Variants in RTEL1 observed in about 807,000 individuals in gnomAD.
The protein encoded by RTEL1 is regulator of telomere elongation helicase 1, also known as regulator of telomere length.
In RTEL1, 86 loss-of-function variants were observed where a neutral mutation model predicts 162.2. That is an observed-to-expected ratio of 0.53 (90% CI 0.45 to 0.63). RTEL1 has a LOEUF of 0.63. Among genes scored for constraint, RTEL1 ranks in the 30% least tolerant of loss-of-function variants. The probability of loss-of-function intolerance (pLI) is 0.00; values close to 1 mark genes in which losing one functional copy is unlikely to be tolerated. For synonymous variants in RTEL1, 958 were observed against 717.9 expected (o/e 1.33, Z -5.35); for missense variants, 1,941 against 1,750.2 (o/e 1.11, Z -1.95).
chr20:63,693,597 TCCA>T (rs1568721114), intron 30 of RTEL1, among the ~76,000 whole-genome samples: 20 of 2,786 alleles, frequency 7.2e-3, no homozygotes, highest in South Asian at 0.045. Context: ...CACCTCCACC[TCCA>T]CCACCACCAC....
chr20:63,695,411 G>T lies in RTEL1; in HGVS notation c.3583G>T (p.Ala1195Ser). 1.3e-6 allele frequency: 2 copies of T among 1,560,488 alleles called. No homozygotes were observed. Among genetic ancestry groups the T allele is most frequent in the South Asian group, 1.2e-5 (1 of 82,130 alleles). The change falls in exon 34 of 35, where the codon GCG becomes TCG. Residue 1195 changes from alanine to serine, a missense_variant. Ala to Ser is a moderately conservative substitution (Grantham distance 99). Transcript: ENST00000360203. ...LRQRPAGTVG[A>S]GGEDAGPSQS... ...ACAGAGGCCAGCAGGGACTGTGGGG[G>T]CGGGCGGTGAGGATGCAGGTCCCAG...
Position 63,693,237 on chromosome 20 carries a change from C to T in RTEL1, c.2946C>T (p.His982=), listed in dbSNP as rs769601742. The T allele has an allele frequency of 1.2e-6, 2 of 1,612,048 alleles. No individual in the cohort carries two copies. Among genetic ancestry groups the T allele is most frequent in the Non-Finnish European group, 1.7e-6 (2 of 1,179,476 alleles). Residue 982 remains histidine (H), a synonymous_variant, in exon 30 of 35, where the codon CAC becomes CAT. Transcript: ENST00000360203. Reference sequence around the variant, plus strand: ...GAGGCTGTGGCTATCGGCCTGAGCACAGCATTCCCCGAAGGCAGCGGGCAC... The same window carrying T: ...GAGGCTGTGGCTATCGGCCTGAGCATAGCATTCCCCGAAGGCAGCGGGCAC... ...TGRGCGYRPE[H]SIPRRQRAQP...
chr20:63,667,043 G>A (rs995643122), intron 7 of RTEL1, among the ~76,000 whole-genome samples: 17 of 149,998 alleles, frequency 1.1e-4, no homozygotes, highest in South Asian at 2.1e-4. Flanking sequence ...GTTTCACCGT[G>A]TTAGCCAGGA....
rs982953699 is a variant in RTEL1 at position 63,687,269 on chromosome 20, C to T, written c.1349-369C>T. On this transcript the variant is annotated intron_variant, in intron 16 of 34. Coordinates refer to ENST00000360203, the MANE Select transcript of RTEL1 (RefSeq NM_001283009.2). ...TCTTCTGCACGCGGCCGTGGAATGT[C>T]GGGATGCCGGCGCTTCCTTCCCGTG... 1.8e-5 allele frequency: 4 copies of T among 222,738 alleles called. No individual in the cohort carries two copies. The East Asian group carries it at 4.1e-4, about 23-fold the overall frequency. 13.8% of individuals were successfully genotyped at this position (222,738 alleles called of 1,614,324 possible).
At chr20:63,693,323 G>T in intron 30 of RTEL1, 40 bp downstream of exon 30, 1 of 1,607,876 alleles carries the variant, frequency 6.2e-7, no homozygotes. Flanking sequence ...ACTCCTGCGT[G>T]GAAGGCAGTG....
intron 2 of RTEL1, chr20:63,660,704 C>T (rs527519921): frequency 6.4e-6 from 1 of 156,008 alleles, no homozygotes; most frequent in Non-Finnish European, 1.4e-5. Context: ...TTAGGAGTGC[C>T]TTGGGGGCCT....
intron 6 of RTEL1, 59 bp downstream of exon 6, chr20:63,662,948 G>A: frequency 6.6e-7 from 1 of 1,513,706 alleles, no homozygotes. Context: ...TCTCAGGGTG[G>A]AGCTCAGTGG....
intron 27 of RTEL1, among the ~76,000 whole-genome samples, chr20:63,691,318 TC>T (rs1293989293): frequency 1.3e-5 from 2 of 152,036 alleles, no homozygotes; most frequent in African/African-American, 2.4e-5. Context: ...GGTTCCTTCT[TC>T]CTTGGGGCCT....
rs1569095799 is a variant in RTEL1, at chr20:63,678,743, ACTCCCACGGAACGGCACACT to A, written c.1037+410_1037+429del. 6.7e-4 allele frequency among the ~76,000 whole-genome samples: 70 copies of A among 104,622 alleles called. 1 individual carries two copies. Among genetic ancestry groups the A allele is most frequent in the African/African-American group, 1.1e-3 (28 of 24,910 alleles). The allele number at this position is 104,622 out of a possible 152,430, so 68.6% of individuals were successfully genotyped here. On this transcript the variant is annotated intron_variant, in intron 12 of 34. Coordinates refer to ENST00000360203, the MANE Select transcript of RTEL1 (RefSeq NM_001283009.2). ...CACACACACCCACGGAACGGCACAC[ACTCCCACGGAACGGCACACT>A]CTCCCACGGAACAGCACACTCTCCC...
At position 63,668,753 on chromosome 20, in the gene RTEL1, T is replaced by C. The variant is rs1412128932; in HGVS notation, c.699+1200T>C. 6.6e-6 allele frequency among the ~76,000 whole-genome samples: 1 copy of C among 152,112 alleles called. No individual in the cohort carries two copies. Among genetic ancestry groups the C allele is most frequent in the Non-Finnish European group, 1.5e-5 (1 of 68,016 alleles). On this transcript the variant is annotated intron_variant, in intron 8 of 34. Coordinates refer to ENST00000360203, the MANE Select transcript of RTEL1 (RefSeq NM_001283009.2). The surrounding 1 kb of genome is among the most constrained non-coding windows in gnomAD (Gnocchi z 4.3). ...AGAGCTTCTAACCCAACCAGGCCCC[T>C]CCCTGGGACAGTTATATCACAGCTG...
At chr20:63,688,793 G>C in intron 21 of RTEL1, 188 bp downstream of exon 21, 1 of 642,558 alleles carries the variant, frequency 1.6e-6, no homozygotes, top group Non-Finnish European at 2.7e-6. Context: ...CCAGCACCGG[G>C]TGGGTGTGGT....
chr20:63,693,462 T>TTCACCACCACCTCCACCACCACCA (rs377133003), intron 30 of RTEL1, among the ~76,000 whole-genome samples, 179 bp downstream of exon 30: 1 of 9,546 alleles, frequency 1.0e-4, no homozygotes, highest in Non-Finnish European at 2.1e-4. Context: ...CACCTCCACC[T>TTCACCACCACCTCCACCACCACCA]CCACCTCCAC....
Position 63,659,509 on chromosome 20 carries a change from A to T in RTEL1, c.102+5A>T. 7 of 1,607,218 alleles carry T rather than the reference A, an allele frequency of 4.4e-6. No homozygotes were observed. Among genetic ancestry groups the T allele is most frequent in the Non-Finnish European group, 6.0e-6 (7 of 1,173,682 alleles). On this transcript the variant is annotated splice_donor_5th_base_variant and intron_variant, in intron 2 of 34. Coordinates refer to ENST00000360203, the MANE Select transcript of RTEL1 (RefSeq NM_001283009.2). ...GTCCTGGAATGTCTGCAGCAGGTAG[A>T]GCACAGGCCCCGAGGAAAGGACTGC...
At position 63,658,340 on chromosome 20, in the gene RTEL1, C is replaced by G. The variant is rs1330492010; in HGVS notation, c.-297C>G. ...AGTGCAGTGGGCTCAGCGCCGACTG[C>G]GCGCCTCTGCCCGCGAAAACTCTGA... is the stretch of plus-strand genomic sequence containing the variant. On this transcript the variant is annotated 5_prime_UTR_variant, in exon 1 of 35. Transcript: ENST00000360203. 1 of 152,396 alleles carries G rather than the reference C, an allele frequency of 6.6e-6. No individual in the cohort carries two copies. The highest frequency in any genetic ancestry group is 6.5e-5 in the Admixed American group (1 of 15,294). The allele number at this position is 152,396 out of a possible 1,614,324, so 9.4% of individuals were successfully genotyped here. A position where few individuals can be genotyped will look rare whatever the true frequency, so the allele number is the denominator to read the frequency against.
intron 30 of RTEL1, 121 bp downstream of exon 30, chr20:63,693,404 T>C (rs1601185937): frequency 1.6e-6 from 2 of 1,222,284 alleles, no homozygotes; most frequent in South Asian, 1.4e-5. Flanking sequence ...TCTGTTCCCC[T>C]ATGGGAGTGA....
At chr20:63,674,335 T>G (rs1379724741) in intron 10 of RTEL1, among the ~76,000 whole-genome samples, 2 of 152,246 alleles carry the variant, frequency 1.3e-5, no homozygotes, top group African/African-American at 2.4e-5. Flanking sequence ...TGGGTGTGAA[T>G]TCTTCAGGGT....
rs375403784 is a variant in RTEL1, at chr20:63,672,572, A to G, written c.716A>G (p.Asn239Ser). The G allele has an allele frequency of 1.3e-6, 2 of 1,584,748 alleles. No homozygotes were observed. The highest frequency in any genetic ancestry group is 1.7e-6 in the Non-Finnish European group (2 of 1,163,388). Residue 239 changes from asparagine (N) to serine (S), a missense_variant, in exon 9 of 35, where the codon AAC (asparagine) becomes AGC (serine). Physicochemically the swap from Asn to Ser is conservative, Grantham distance 46. Coordinates refer to ENST00000360203, the MANE Select transcript of RTEL1 (RefSeq NM_001283009.2). ...CTCCTGTAGAGCCGCAGAGCACACA[A>G]CATTGACCTGAAGGGGACAGTCGTG... ...LLDAKSRRAH[N>S]IDLKGTVVIF...
rs767311114 is a variant in RTEL1 at position 63,695,645 on chromosome 20, C to T, written c.3817C>T (p.Leu1273Phe). The T allele has an allele frequency of 6.2e-6, 10 of 1,611,220 alleles. No homozygotes were observed. Among genetic ancestry groups the T allele is most frequent in the Non-Finnish European group, 6.8e-6 (8 of 1,179,868 alleles). Residue 1273 changes from leucine to phenylalanine, a missense_variant, in exon 34 of 35, where the codon CTT becomes TTT. Leu to Phe is a conservative substitution (Grantham distance 22, BLOSUM62 0). Transcript: ENST00000360203. ...CTGCCAAGCCTGCTGGCAACGGCAC[C>T]TTCAGGTTGGTGCCTGGCCACTACA... ...QRCQACWQRH[L>F]QASRMCPACH...
chr20:63,690,927 G>C lies in RTEL1; in HGVS notation c.2536G>C (p.Gly846Arg), dbSNP rs1447475994. Residue 846 changes from glycine to arginine, a missense_variant, in exon 27 of 35, where the codon GGG becomes CGG. By Grantham distance (125) the Gly-to-Arg change is moderately radical (BLOSUM62 -2). Transcript: ENST00000360203. ...AALEHSEQRAGSPGEEQAHSC... is the reference protein window; with the variant it reads ...AALEHSEQRARSPGEEQAHSC... Reference sequence around the variant, plus strand: ...CCTGGAGCACAGCGAACAGCGGGCGGGGAGCCCTGGCGAGGAGCAGGTACA... The same window carrying C: ...CCTGGAGCACAGCGAACAGCGGGCGCGGAGCCCTGGCGAGGAGCAGGTACA... 1 of 1,555,716 alleles carries C rather than the reference G, an allele frequency of 6.4e-7. No homozygotes were observed. Among genetic ancestry groups the C allele is most frequent in the African/African-American group, 1.4e-5 (1 of 73,450 alleles).
Sources: allele counts gnomAD v4.1 joint callset (sites outside exome capture counted in the v4.1 genomes callset), GRCh38; gene constraint gnomAD v4.1.1; non-coding constraint Gnocchi (gnomAD v3.1); transcripts MANE v1.5; gene names NCBI Gene and HGNC (gene_info 2026-07-23, HGNC 2026-07-21).